Variants in TNIP3 observed in about 807,000 individuals in gnomAD.
The protein encoded by TNIP3 is TNFAIP3 interacting protein 3.
A neutral mutation model predicts 54.1 loss-of-function variants in TNIP3; 34 were observed. That is an observed-to-expected ratio of 0.63 (90% CI 0.48 to 0.84). The LOEUF (loss-of-function observed/expected upper bound fraction) is 0.84, where lower values mean the gene tolerates loss of function less well. Ranked by LOEUF, TNIP3 falls within the 40% of genes least tolerant of loss-of-function variation. TNIP3 has a pLI of 0.00. For missense variants in TNIP3, 366 were observed against 387.6 expected (o/e 0.94, Z 0.47); for synonymous variants, 134 against 136.8 (o/e 0.98, Z 0.14).
At chr4:121,206,119 G>C (rs1726176196) in intron 2 of TNIP3, among the ~76,000 whole-genome samples, 1 of 152,124 alleles carries the variant, frequency 6.6e-6, no homozygotes, top group Non-Finnish European at 1.5e-5. Flanking sequence ...TGGGAATTAT[G>C]GGAACTACAA....
intron 2 of TNIP3, among the ~76,000 whole-genome samples, chr4:121,199,244 G>C (rs1358956988): frequency 6.6e-6 from 1 of 152,174 alleles, no homozygotes; most frequent in Non-Finnish European, 1.5e-5. Context: ...CAACTTCAGG[G>C]AACCAGGAAG....
chr4:121,192,502 T>TGTAG (rs1376376812), intron 2 of TNIP3, among the ~76,000 whole-genome samples: 1 of 152,194 alleles, frequency 6.6e-6, no homozygotes, highest in Non-Finnish European at 1.5e-5. Flanking sequence ...TGTTATTATG[T>TGTAG]GTAGGGTAAT....
chr4:121,222,836 C>T (rs1199021151), intron 1 of TNIP3, among the ~76,000 whole-genome samples: 1 of 124,688 alleles, frequency 8.0e-6, no homozygotes, highest in African/African-American at 3.2e-5. Flanking sequence ...GACGGAGTCT[C>T]GCTCTGTCAC....
intron 2 of TNIP3, among the ~76,000 whole-genome samples, chr4:121,202,202 G>C (rs1039846182): frequency 6.6e-6 from 1 of 152,102 alleles, no homozygotes; most frequent in Non-Finnish European, 1.5e-5. Context: ...CATGGTACTG[G>C]TATAAAAATA....
At chr4:121,214,744 T>C (rs1726688672) in intron 2 of TNIP3, among the ~76,000 whole-genome samples, 1 of 152,196 alleles carries the variant, frequency 6.6e-6, no homozygotes, top group South Asian at 2.1e-4. Flanking sequence ...GCCTATAGTA[T>C]CTTAGAGGTT....
chr4:121,174,360 G>A (rs977278648), intron 3 of TNIP3, among the ~76,000 whole-genome samples: 6 of 151,934 alleles, frequency 3.9e-5, no homozygotes, highest in Non-Finnish European at 8.8e-5. Context: ...AGCCATGATT[G>A]CACCACCATA....
At chr4:121,200,618 T>A (rs1725829772) in intron 2 of TNIP3, among the ~76,000 whole-genome samples, 1 of 146,166 alleles carries the variant, frequency 6.8e-6, no homozygotes, top group Non-Finnish European at 1.5e-5. Flanking sequence ...GATAGAACAA[T>A]CTAGTTCAAA....
chr4:121,182,662 A>C (rs1262469153), intron 3 of TNIP3: 1 of 1,533,602 alleles, frequency 6.5e-7, no homozygotes, highest in African/African-American at 1.4e-5. Flanking sequence ...AGGAGAAAAA[A>C]GGTGTTTTCT....
intron 1 of TNIP3, among the ~76,000 whole-genome samples, chr4:121,224,414 TG>T (rs1355772725): frequency 1.2e-4 from 19 of 152,204 alleles, no homozygotes; most frequent in Admixed American, 5.9e-4. Flanking sequence ...AGATGAGACT[TG>T]ATCCCTGAGC....
intron 1 of TNIP3, among the ~76,000 whole-genome samples, chr4:121,223,301 C>T (rs570244142): frequency 1.8e-4 from 27 of 152,162 alleles, no homozygotes; most frequent in Non-Finnish European, 3.2e-4. Flanking sequence ...CTTTGCATAC[C>T]AGGATTTTGT....
intron 9 of TNIP3, among the ~76,000 whole-genome samples, chr4:121,140,192 C>T (rs561447520): frequency 7.2e-5 from 11 of 152,036 alleles, no homozygotes; most frequent in South Asian, 2.1e-4. Context: ...AAATTAGCCA[C>T]GTGTGGTGGT....
intron 2 of TNIP3, among the ~76,000 whole-genome samples, chr4:121,212,994 G>A (rs1418478125): frequency 6.6e-6 from 1 of 152,126 alleles, no homozygotes; most frequent in African/African-American, 2.4e-5. Flanking sequence ...AAAAAATGGA[G>A]CTTTAAGGGA....
In TNIP3 at chr4:121,154,597, T is replaced by C; in HGVS notation, c.446A>G (p.Asn149Ser). ...ACATTCGTAATGTTCCTTTTCCTTGTTCGCAAGAGTATTTTTTCCCTTTAA... is the reference window on the plus strand; with the variant it reads ...ACATTCGTAATGTTCCTTTTCCTTGCTCGCAAGAGTATTTTTTCCCTTTAA... ...KLLKGKNTLANKEKEHYECEI... is the reference protein window; with the variant it reads ...KLLKGKNTLASKEKEHYECEI... The change falls in exon 5 of 11, where the codon AAC becomes AGC. Residue 149 changes from asparagine (N) to serine (S), a missense_variant. By Grantham distance (46) the Asn-to-Ser change is conservative. Transcript: ENST00000057513. 6.2e-7 allele frequency: 1 copy of C among 1,613,962 alleles called. No homozygotes were observed. The highest frequency in any genetic ancestry group is 1.1e-5 in the South Asian group (1 of 91,058).
chr4:121,209,930 G>C (rs1018878411), intron 2 of TNIP3, among the ~76,000 whole-genome samples: 1 of 152,012 alleles, frequency 6.6e-6, no homozygotes, highest in African/African-American at 2.4e-5. Context: ...ATAGAGTTTT[G>C]CTGAATTTTA....
intron 2 of TNIP3, among the ~76,000 whole-genome samples, chr4:121,199,824 G>T (rs1725785474): frequency 6.6e-6 from 1 of 152,132 alleles, no homozygotes; most frequent in Admixed American, 6.5e-5. Context: ...AACTTGTCAG[G>T]GTAGGTACCT....
upstream of TNIP3, among the ~76,000 whole-genome samples, chr4:121,167,905 G>A (rs1730851373): frequency 6.6e-6 from 1 of 152,086 alleles, no homozygotes; most frequent in South Asian, 2.1e-4. Flanking sequence ...CTGCTTGTAT[G>A]CATAATAGTT....
chr4:121,186,139 G>C (rs1486547969), intron 2 of TNIP3, among the ~76,000 whole-genome samples: 2 of 152,208 alleles, frequency 1.3e-5, no homozygotes, highest in Non-Finnish European at 2.9e-5. Context: ...ACTGAGCGTG[G>C]TGACTACAGC....
At chr4:121,169,737 C>G (rs781258524) in intron 3 of TNIP3, among the ~76,000 whole-genome samples, 3 of 152,182 alleles carry the variant, frequency 2.0e-5, no homozygotes, top group African/African-American at 4.8e-5. Flanking sequence ...TAAATCACCT[C>G]TCTTTGATCC....
At chr4:121,158,050 A>C (rs1730219060) in intron 3 of TNIP3, among the ~76,000 whole-genome samples, 1 of 152,216 alleles carries the variant, frequency 6.6e-6, no homozygotes, top group Non-Finnish European at 1.5e-5. Context: ...CAAGTTTCTT[A>C]ATACTGAATT....
Sources: gnomAD v4.1 joint callset for allele counts (sites outside exome capture counted in the v4.1 genomes callset) on GRCh38, gnomAD v4.1.1 for gene constraint, MANE v1.5 for transcripts, NCBI Gene and HGNC (gene_info 2026-07-23, HGNC 2026-07-21) for gene names.